Variants in KCNQ5 observed in about 807,000 individuals in gnomAD.
KCNQ5 encodes the protein potassium voltage-gated channel subfamily KQT member 5.
In KCNQ5, 30 loss-of-function variants were observed where a neutral mutation model predicts 98.2. The ratio of observed to expected loss-of-function variants is 0.31; its 90% CI spans 0.23 to 0.41. The LOEUF (loss-of-function observed/expected upper bound fraction) is 0.41, where lower values mean the gene tolerates loss of function less well. Ranked by LOEUF, KCNQ5 falls within the 10% of genes least tolerant of loss-of-function variation. The pLI, the probability that KCNQ5 is intolerant of heterozygous loss-of-function variation, is 1.00. For synonymous variants in KCNQ5, 458 were observed against 449.4 expected (o/e 1.02, Z -0.24); for missense variants, 835 against 1,182.5 (o/e 0.71, Z 4.31).
rs1771611324 is a variant in KCNQ5, at chr6:72,750,348, C to T, written c.398+127761C>T. Among the ~76,000 whole-genome samples the T allele has an allele frequency of 2.0e-5, 3 of 152,002 alleles. No individual in the cohort carries two copies. The South Asian group carries it at 6.2e-4, about 32-fold the overall frequency. ...TAGAAATCAATTTCAGTATCATTTT[C>T]AGATTTGGTTTTCAGAAAAGGAAAT... On this transcript the variant is annotated intron_variant, in intron 1 of 13. Transcript: ENST00000370398.
intron 2 of KCNQ5, among the ~76,000 whole-genome samples, chr6:73,026,047 C>T (rs1211011896): frequency 2.0e-5 from 3 of 152,194 alleles, no homozygotes; most frequent in African/African-American, 7.2e-5. Flanking sequence ...AATAGACACA[C>T]TTATGAGTCT....
At chr6:72,950,237 C>A (rs949212634) in intron 1 of KCNQ5, among the ~76,000 whole-genome samples, 1 of 152,094 alleles carries the variant, frequency 6.6e-6, no homozygotes, top group Non-Finnish European at 1.5e-5. Flanking sequence ...TAACTGGTAG[C>A]GTATTCAGTA....
chr6:73,069,192 T>C (rs1209027247), intron 3 of KCNQ5, among the ~76,000 whole-genome samples: 1 of 152,176 alleles, frequency 6.6e-6, no homozygotes, highest in Non-Finnish European at 1.5e-5. Context: ...TCTACTAGCA[T>C]GTTTTCTTAG....
At chr6:72,777,245 G>A (rs1052764784) in intron 1 of KCNQ5, among the ~76,000 whole-genome samples, 2 of 152,174 alleles carry the variant, frequency 1.3e-5, no homozygotes, top group East Asian at 1.9e-4. Flanking sequence ...AGTTAGATTC[G>A]AGAAGGACAA....
At chr6:72,929,171 G>A (rs1562073932) in intron 1 of KCNQ5, among the ~76,000 whole-genome samples, 1 of 152,082 alleles carries the variant, frequency 6.6e-6, no homozygotes, top group African/African-American at 2.4e-5. Flanking sequence ...GCATTAAGAA[G>A]TTTGATTTGT....
intron 1 of KCNQ5, among the ~76,000 whole-genome samples, chr6:72,886,562 A>T (rs1296861918): frequency 1.3e-5 from 2 of 152,192 alleles, no homozygotes; most frequent in African/African-American, 4.8e-5. Context: ...GAAGAGAAAC[A>T]GCAGTTATCC....
chr6:72,626,720 C>T (rs562527238), intron 1 of KCNQ5, among the ~76,000 whole-genome samples: 1 of 152,262 alleles, frequency 6.6e-6, no homozygotes, highest in South Asian at 2.1e-4. Context: ...TAAACTTATT[C>T]TGTGAAATGT....
At chr6:72,836,099 G>A (rs576696651) in intron 1 of KCNQ5, among the ~76,000 whole-genome samples, 3 of 152,190 alleles carry the variant, frequency 2.0e-5, no homozygotes, top group Non-Finnish European at 4.4e-5. Context: ...TGTTATTTTT[G>A]TTTGTTATTT....
At chr6:72,870,481 G>A (rs1321461194) in intron 1 of KCNQ5, among the ~76,000 whole-genome samples, 1 of 151,958 alleles carries the variant, frequency 6.6e-6, no homozygotes, top group Non-Finnish European at 1.5e-5. Flanking sequence ...GGACTCCTGG[G>A]ATCAAATGAT....
chr6:72,623,934 A>C (rs559020408), intron 1 of KCNQ5, among the ~76,000 whole-genome samples: 1 of 152,236 alleles, frequency 6.6e-6, no homozygotes, highest in Non-Finnish European at 1.5e-5. Context: ...TTTTGTAACT[A>C]GGTGAACCTG....
Position 73,194,593 on chromosome 6 carries a change from C to T in KCNQ5, c.1978C>T (p.Pro660Ser). The T allele has an allele frequency of 6.2e-7, 1 of 1,614,198 alleles. No homozygotes were observed. The highest frequency in any genetic ancestry group is 1.3e-5 in the African/African-American group (1 of 75,054). Reference protein sequence around the residue: ...ECEQTSDYQSPVDSKDLSGSA... With the variant: ...ECEQTSDYQSSVDSKDLSGSA... ...TGAACAGACATCTGACTATCAAAGC[C>T]CTGTGGATAGCAAAGATCTTTCGGG... Residue 660 changes from proline (P) to serine (S), a missense_variant, in exon 14 of 14, where the codon CCT becomes TCT. Physicochemically the swap from Pro to Ser is moderately conservative, Grantham distance 74. Transcript: ENST00000370398.
intron 1 of KCNQ5, among the ~76,000 whole-genome samples, chr6:72,655,553 G>A (rs1022075687): frequency 5.3e-5 from 8 of 152,114 alleles, no homozygotes; most frequent in Non-Finnish European, 1.0e-4. Context: ...GGCTCCGGAT[G>A]AGGAACAACA....
rs61152155 is a variant in KCNQ5 at position 73,042,902 on chromosome 6, T to C, written c.616+840T>C. On this transcript the variant is annotated intron_variant, in intron 3 of 13. Transcript: ENST00000370398. The stretch of plus-strand genomic sequence containing the variant: ...GTAGCTAAATTTGGCTCTCTTGCTT[T>C]TTTGTCTTTCTCACTTCCTAGGCAG... 8.9e-3 allele frequency among the ~76,000 whole-genome samples: 1,349 copies of C among 152,332 alleles called. 11 individuals are homozygous for C. Among genetic ancestry groups the C allele is most frequent in the African/African-American group, 0.031 (1,280 of 41,586 alleles).
At chr6:72,833,808 G>A (rs1025545153) in intron 1 of KCNQ5, among the ~76,000 whole-genome samples, 51 of 151,892 alleles carry the variant, frequency 3.4e-4, no homozygotes, top group African/African-American at 1.2e-3. Context: ...TCATCCATAG[G>A]AAAGTAGAAA....
At chr6:72,729,300 G>GGTTTT (rs1331369948) in intron 1 of KCNQ5, among the ~76,000 whole-genome samples, 1 of 152,236 alleles carries the variant, frequency 6.6e-6, no homozygotes, top group Non-Finnish European at 1.5e-5. Flanking sequence ...GGGTTTAGGA[G>GGTTTT]GTTTTGTTTT....
At chr6:72,625,997 TA>T (rs1206936839) in intron 1 of KCNQ5, among the ~76,000 whole-genome samples, 1 of 152,240 alleles carries the variant, frequency 6.6e-6, no homozygotes, top group Non-Finnish European at 1.5e-5. Context: ...TCCCCTTGCC[TA>T]AAATATTTCC....
chr6:73,097,324 T>A (rs1774554704), intron 5 of KCNQ5, among the ~76,000 whole-genome samples: 1 of 151,810 alleles, frequency 6.6e-6, no homozygotes, highest in Admixed American at 6.6e-5. Flanking sequence ...CATGCAGTAT[T>A]TACCTTTCTG....
intron 1 of KCNQ5, among the ~76,000 whole-genome samples, chr6:72,900,316 A>G (rs1581982962): frequency 6.7e-6 from 1 of 150,116 alleles, no homozygotes; most frequent in Non-Finnish European, 1.5e-5. Context: ...ACATATATAT[A>G]TATCCCATCT....
intron 1 of KCNQ5, among the ~76,000 whole-genome samples, chr6:72,850,007 G>A (rs907537941): frequency 6.6e-6 from 1 of 152,124 alleles, no homozygotes; most frequent in African/African-American, 2.4e-5. Context: ...TACAGAGAAT[G>A]TTTTTTGAAG....
Sources: allele counts gnomAD v4.1 joint callset (sites outside exome capture counted in the v4.1 genomes callset), GRCh38; gene constraint gnomAD v4.1.1; transcripts MANE v1.5; gene names NCBI Gene and HGNC (gene_info 2026-07-23, HGNC 2026-07-21).